GALNTL6: variants seen among roughly 807,000 people sequenced by gnomAD.
The protein encoded by GALNTL6 is polypeptide N-acetylgalactosaminyltransferase-like 6.
In GALNTL6, 46 loss-of-function variants were observed where a neutral mutation model predicts 73.7. The observed-to-expected ratio is 0.62, with a 90% CI of 0.49 to 0.80. The LOEUF is 0.80. Among genes scored for constraint, GALNTL6 ranks in the 30% least tolerant of loss-of-function variants. The pLI, the probability that GALNTL6 is intolerant of heterozygous loss-of-function variation, is 0.00. For missense variants in GALNTL6, 604 were observed against 755.0 expected, an observed-to-expected ratio of 0.80 and a Z score of 2.34; for synonymous variants, 259 against 263.7, an observed-to-expected ratio of 0.98 and a Z score of 0.17.
chr4:172,495,929 G>T (rs532088981), intron 5 of GALNTL6, among the ~76,000 whole-genome samples: 1 of 152,282 alleles, frequency 6.6e-6, no homozygotes, highest in South Asian at 2.1e-4. Flanking sequence ...TGGCCTCATA[G>T]AGGTGACTAT....
chr4:173,037,523 A>G (rs1753743385), intron 12 of GALNTL6, among the ~76,000 whole-genome samples: 1 of 152,214 alleles, frequency 6.6e-6, no homozygotes, highest in African/African-American at 2.4e-5. Flanking sequence ...GTGTTCCAAT[A>G]TGGGATTTGG....
chr4:172,125,955 T>C (rs984657701), intron 2 of GALNTL6, among the ~76,000 whole-genome samples: 12 of 152,122 alleles, frequency 7.9e-5, no homozygotes, highest in Non-Finnish European at 1.6e-4. Context: ...TTCCTTCTTA[T>C]ACTTTCTCTT....
intron 5 of GALNTL6, among the ~76,000 whole-genome samples, chr4:172,625,036 G>A (rs917089242): frequency 4.6e-5 from 7 of 151,630 alleles, no homozygotes; most frequent in Non-Finnish European, 8.8e-5. Context: ...TATGGATTTC[G>A]GGGTCTCAAT....
At chr4:172,970,123 G>A (rs561557627) in intron 10 of GALNTL6, among the ~76,000 whole-genome samples, 1 of 152,252 alleles carries the variant, frequency 6.6e-6, no homozygotes, top group East Asian at 1.9e-4. Flanking sequence ...CAAAAAAGGA[G>A]AACAAAGTTC....
At chr4:172,977,334 C>T (rs747599766) in intron 10 of GALNTL6, among the ~76,000 whole-genome samples, 15 of 152,178 alleles carry the variant, frequency 9.9e-5, no homozygotes, top group Non-Finnish European at 1.3e-4. Flanking sequence ...TTGAGAGGCA[C>T]TGCCAAAATT....
chr4:172,865,095 C>T (rs572471667), intron 7 of GALNTL6, among the ~76,000 whole-genome samples: 1 of 152,274 alleles, frequency 6.6e-6, no homozygotes, highest in South Asian at 2.1e-4. Context: ...TGCCATGTGC[C>T]ACCAAGGGAA....
chr4:172,256,814 G>C (rs1171083806), intron 3 of GALNTL6, among the ~76,000 whole-genome samples: 2 of 151,234 alleles, frequency 1.3e-5, no homozygotes, highest in Non-Finnish European at 3.0e-5. Flanking sequence ...TGATTAGATA[G>C]AGTATTGCTT....
At chr4:172,812,661 C>G (rs1231244305) in intron 6 of GALNTL6, among the ~76,000 whole-genome samples, 1 of 151,830 alleles carries the variant, frequency 6.6e-6, no homozygotes, top group Non-Finnish European at 1.5e-5. Context: ...ATGGAACACT[C>G]GAAAGGTCAG....
chr4:172,668,460 G>A (rs954225076), intron 5 of GALNTL6: 2 of 152,120 alleles, frequency 1.3e-5, no homozygotes, highest in Non-Finnish European at 2.9e-5. Context: ...TCAAACAGCC[G>A]ATGTGAATTT....
At chr4:172,193,074 AT>A (rs1256153540) in intron 2 of GALNTL6, among the ~76,000 whole-genome samples, 4 of 152,200 alleles carry the variant, frequency 2.6e-5, no homozygotes, top group Admixed American at 6.5e-5. Flanking sequence ...GTTCAGCCAA[AT>A]TAGTCTTTCT....
chr4:172,359,718 G>T (rs183679614), intron 5 of GALNTL6, among the ~76,000 whole-genome samples: 214 of 152,060 alleles, frequency 1.4e-3, no homozygotes, highest in Non-Finnish European at 2.1e-3. Context: ...CACATATAAG[G>T]CACATAGCTT....
intron 5 of GALNTL6, among the ~76,000 whole-genome samples, chr4:172,497,991 C>CTTTTTTTTTTTTTTTTTT (rs10669113): frequency 9.6e-6 from 1 of 104,586 alleles, no homozygotes; most frequent in Non-Finnish European, 1.9e-5. Flanking sequence ...TGTCACATTT[C>CTTTTTTTTTTTTTTTTTT]TTTTTTTTTT....
intron 2 of GALNTL6, among the ~76,000 whole-genome samples, chr4:171,903,765 C>G (rs1737184643): frequency 6.6e-6 from 1 of 152,068 alleles, no homozygotes; most frequent in Non-Finnish European, 1.5e-5. Context: ...TTGAAGAGAG[C>G]AGTGGTTCTC....
At chr4:172,925,175 GTT>G (rs199993886) in intron 8 of GALNTL6, among the ~76,000 whole-genome samples, 3,101 of 137,388 alleles carry the variant, frequency 0.023, 104 homozygotes, top group African/African-American at 0.073. Context: ...CCAGGCTTAT[GTT>G]TTTTTTTTTT....
chr4:172,429,389 T>G (rs1166388348), intron 5 of GALNTL6, among the ~76,000 whole-genome samples: 2 of 151,814 alleles, frequency 1.3e-5, no homozygotes, highest in African/African-American at 4.8e-5. Context: ...TTTTTGTATT[T>G]TCAGTAGAGA....
intron 5 of GALNTL6, among the ~76,000 whole-genome samples, chr4:172,531,596 C>T (rs1480369548): frequency 6.6e-6 from 1 of 152,196 alleles, no homozygotes; most frequent in Non-Finnish European, 1.5e-5. Context: ...ATTGCAACCT[C>T]TTCTCCAGGA....
At chr4:172,800,015 A>G (rs572977777) in intron 5 of GALNTL6, among the ~76,000 whole-genome samples, 1 of 152,318 alleles carries the variant, frequency 6.6e-6, no homozygotes, top group East Asian at 1.9e-4. Flanking sequence ...TAGGCCAGTC[A>G]CATAAAGAAA....
intron 5 of GALNTL6, among the ~76,000 whole-genome samples, chr4:172,559,058 ATTTTTTTTTTTTTTT>A (rs71592081): frequency 1.3e-5 from 1 of 77,380 alleles, no homozygotes; most frequent in Admixed American, 2.2e-4. Flanking sequence ...ATGATAATGG[ATTTTTTTTTTTTTTT>A]TTTTTTTTTT....
intron 2 of GALNTL6, among the ~76,000 whole-genome samples, chr4:171,975,336 T>G (rs1487002865): frequency 6.6e-6 from 1 of 152,154 alleles, no homozygotes; most frequent in Non-Finnish European, 1.5e-5. Flanking sequence ...ATAATGGTTC[T>G]GCCTGAAAAT....
Sources: gnomAD v4.1 joint callset for allele counts (sites outside exome capture counted in the v4.1 genomes callset) on GRCh38, gnomAD v4.1.1 for gene constraint, MANE v1.5 for transcripts, NCBI Gene and HGNC (gene_info 2026-07-23, HGNC 2026-07-21) for gene names.